SOD2: variants seen among roughly 807,000 people sequenced by gnomAD.
SOD2 encodes the protein superoxide dismutase [Mn], mitochondrial.
SOD2 carries 11 observed loss-of-function variants against 27.0 expected under a neutral mutation model. The observed-to-expected ratio is 0.41, with a 90% CI of 0.26 to 0.67. SOD2 has a LOEUF of 0.67. Among genes scored for constraint, SOD2 ranks in the 30% least tolerant of loss-of-function variants. SOD2 has a pLI of 0.34. For synonymous variants in SOD2, 105 were observed against 103.0 expected (o/e 1.02, Z -0.12); for missense variants, 250 against 274.5 (o/e 0.91, Z 0.63).
chr6:159,744,782 TA>T (rs1779472844), intron 1 of SOD2, among the ~76,000 whole-genome samples: 1 of 152,172 alleles, frequency 6.6e-6, no homozygotes, highest in Non-Finnish European at 1.5e-5. Flanking sequence ...TGCAGTGGTG[TA>T]ATCACACCTC....
At chr6:159,708,177 A>C (rs1348060663) in intron 1 of SOD2, among the ~76,000 whole-genome samples, 1 of 152,218 alleles carries the variant, frequency 6.6e-6, no homozygotes, top group African/African-American at 2.4e-5. Context: ...GAATGGGCAA[A>C]AATTGGAAGC....
chr6:159,714,139 G>A (rs751720100), intron 1 of SOD2, among the ~76,000 whole-genome samples: 3 of 152,116 alleles, frequency 2.0e-5, no homozygotes, highest in Non-Finnish European at 4.4e-5. Context: ...TGAGCACACC[G>A]GCTTTACCTC....
intron 1 of SOD2, among the ~76,000 whole-genome samples, chr6:159,721,310 G>A (rs1381979156): frequency 6.6e-6 from 1 of 151,714 alleles, no homozygotes; most frequent in Non-Finnish European, 1.5e-5. Flanking sequence ...CTCGTGATCT[G>A]CCCGCCTCGG....
At chr6:159,727,012 G>A in intron 1 of SOD2, 4 of 1,248,120 alleles carry the variant, frequency 3.2e-6, no homozygotes, top group Non-Finnish European at 4.1e-6. Context: ...CTCCGCACGA[G>A]GCAGCCCCGC....
chr6:159,761,911 C>T (rs1487501244), exon 1 of SOD2: 2 of 625,034 alleles, frequency 3.2e-6, no homozygotes, highest in Non-Finnish European at 5.1e-6. Context: ...TCCGCCCGCC[C>T]CTGCTCCGGC....
At chr6:159,718,165 A>AT (rs1306332209) in intron 1 of SOD2, among the ~76,000 whole-genome samples, 16 of 151,280 alleles carry the variant, frequency 1.1e-4, no homozygotes, top group African/African-American at 3.6e-4. Context: ...GCTAATTTTT[A>AT]TTTTTTTGTA....
At chr6:159,754,198 GTC>G (rs1413320332) in intron 1 of SOD2, among the ~76,000 whole-genome samples, 2 of 152,188 alleles carry the variant, frequency 1.3e-5, no homozygotes, top group Non-Finnish European at 2.9e-5. Flanking sequence ...GAAAATTAGT[GTC>G]TCTGGTTAAT....
At chr6:159,746,674 A>G (rs547600700), upstream of SOD2, among the ~76,000 whole-genome samples, 283 of 152,268 alleles carry the variant, frequency 1.9e-3, no homozygotes, top group Non-Finnish European at 1.9e-3. Flanking sequence ...ACTATATTTT[A>G]TTTTGTTGGT....
intron 1 of SOD2, among the ~76,000 whole-genome samples, chr6:159,720,045 G>T (rs77938615): frequency 4.4e-4 from 61 of 138,108 alleles, no homozygotes; most frequent in African/African-American, 1.2e-3. Context: ...TTTTTTTGGT[G>T]GGGGGGACAG....
At position 159,705,091 on chromosome 6, in the gene SOD2, A is replaced by G. The variant is rs539244456; in HGVS notation, c.-115-12228T>C. ...TGTTAGAAAGAAAACCAACAAACAG[A>G]AAGGACATCCACTCCAAAACCCTAC... is the stretch of plus-strand genomic sequence containing the variant. On this transcript the variant is annotated intron_variant, in intron 1 of 2. Coordinates refer to the SOD2 transcript ENST00000401980. Among the ~76,000 whole-genome samples the G allele has an allele frequency of 2.0e-5, 3 of 151,770 alleles. No individual in the cohort carries two copies. In the South Asian group the frequency reaches 6.2e-4, roughly 31 times the overall value.
intron 1 of SOD2, among the ~76,000 whole-genome samples, chr6:159,744,507 A>G (rs1779451614): frequency 7.4e-6 from 1 of 135,862 alleles, no homozygotes; most frequent in African/African-American, 2.8e-5. Flanking sequence ...TGGAGACACC[A>G]AAAATCTATG....
chr6:159,737,150 C>T (rs1237805516), intron 1 of SOD2, among the ~76,000 whole-genome samples: 1 of 152,058 alleles, frequency 6.6e-6, no homozygotes, highest in South Asian at 2.1e-4. Context: ...TGGGCTCAAG[C>T]GATCATCCCA....
chr6:159,700,173 AAACAT>A (rs1393700072), intron 1 of SOD2, among the ~76,000 whole-genome samples: 2 of 152,352 alleles, frequency 1.3e-5, no homozygotes, highest in African/African-American at 4.8e-5. Context: ...GATGTGGACA[AAACAT>A]ATTTAAGAGT....
At position 159,672,549 on chromosome 6, in the gene SOD2, T is replaced by G. The variant is rs1024443939; in HGVS notation, c.*9944A>C. The G allele has an allele frequency of 6.6e-6, 1 of 152,038 alleles. No homozygotes were observed. The highest frequency in any genetic ancestry group is 6.6e-5 in the Admixed American group (1 of 15,252). 9.4% of individuals were successfully genotyped at this position (152,038 alleles called of 1,614,324 possible). A position where few individuals can be genotyped will look rare whatever the true frequency, so the allele number is the denominator to read the frequency against. ...TTACAAACAAGCAAATGCTGAGAGA[T>G]TTTGTCACCACCAGGCCTGCCTTAC... is the stretch of plus-strand genomic sequence containing the variant. On this transcript the variant is annotated 3_prime_UTR_variant, in exon 5 of 5. Transcript: ENST00000538183.
chr6:159,727,378 G>GGAGGCGGGAGGCGGGAGGCA, upstream of SOD2: 3 of 454,042 alleles, frequency 6.6e-6, no homozygotes, highest in Non-Finnish European at 9.2e-6. Flanking sequence ...GGAGGCTGGC[G>GGAGGCGGGAGGCGGGAGGCA]GGAGGCGGGA....
At chr6:159,726,621 G>A (rs2114846720) in intron 1 of SOD2, 2 of 428,748 alleles carry the variant, frequency 4.7e-6, no homozygotes, top group Non-Finnish European at 8.1e-6. Flanking sequence ...TACTCCACTT[G>A]CAGGACCTCT....
At chr6:159,692,993 A>G in intron 1 of SOD2, 130 bp from the exon 2 acceptor site, 4 of 1,350,378 alleles carry the variant, frequency 3.0e-6, no homozygotes, top group Non-Finnish European at 2.9e-6. Flanking sequence ...TCCCCGCTCC[A>G]GCCGCCGCGC....
chr6:159,719,913 AG>A (rs1433697024), intron 1 of SOD2, among the ~76,000 whole-genome samples: 4 of 151,622 alleles, frequency 2.6e-5, no homozygotes, highest in African/African-American at 9.7e-5. Context: ...TAGCAGAGAC[AG>A]GGTTTCACCA....
At chr6:159,740,120 C>T (rs1252171979) in intron 1 of SOD2, among the ~76,000 whole-genome samples, 1 of 151,866 alleles carries the variant, frequency 6.6e-6, no homozygotes, top group Non-Finnish European at 1.5e-5. Context: ...GCTGGGATTA[C>T]AGGCATGGGC....
Sources: gnomAD v4.1 joint callset for allele counts (sites outside exome capture counted in the v4.1 genomes callset) on GRCh38, gnomAD v4.1.1 for gene constraint, MANE v1.5 for transcripts, NCBI Gene and HGNC (gene_info 2026-07-23, HGNC 2026-07-21) for gene names.